Variants in MAPK10 observed in about 807,000 individuals in gnomAD.
The protein encoded by MAPK10 is JNK3 alpha protein kinase.
A neutral mutation model predicts 59.3 loss-of-function variants in MAPK10; 25 were observed. The ratio of observed to expected loss-of-function variants is 0.42; its 90% CI spans 0.31 to 0.59. MAPK10 has a LOEUF of 0.59. MAPK10 is among the 20% of genes least tolerant of loss of function. The pLI is 0.15. For missense variants in MAPK10, 351 were observed against 568.9 expected (o/e 0.62, Z 3.90); for synonymous variants, 190 against 200.5 (o/e 0.95, Z 0.44).
intron 9 of MAPK10, among the ~76,000 whole-genome samples, chr4:86,086,116 G>T (rs776468366): frequency 6.6e-6 from 1 of 151,956 alleles, no homozygotes; most frequent in Non-Finnish European, 1.5e-5. Flanking sequence ...AAACCACCAC[G>T]GTACACGTTT....
At chr4:86,414,520 GT>G (rs1745615474) in intron 1 of MAPK10, among the ~76,000 whole-genome samples, 1 of 152,234 alleles carries the variant, frequency 6.6e-6, no homozygotes, top group South Asian at 2.1e-4. Context: ...AGTAGAAGAA[GT>G]AGACACACAG....
At chr4:86,290,951 T>C (rs929823669) in intron 2 of MAPK10, among the ~76,000 whole-genome samples, 2 of 152,206 alleles carry the variant, frequency 1.3e-5, no homozygotes, top group African/African-American at 4.8e-5. Flanking sequence ...TTTTAGACTT[T>C]TATGATGCAA....
At chr4:86,323,169 G>A (rs1228509384) in intron 2 of MAPK10, among the ~76,000 whole-genome samples, 1 of 152,142 alleles carries the variant, frequency 6.6e-6, no homozygotes, top group Non-Finnish European at 1.5e-5. Flanking sequence ...GTGGCAGAGG[G>A]AGCCTCCGTC....
intron 1 of MAPK10, among the ~76,000 whole-genome samples, chr4:86,521,663 T>G (rs1024191549): frequency 6.6e-6 from 1 of 151,976 alleles, no homozygotes; most frequent in Non-Finnish European, 1.5e-5. Context: ...CCAACCACAC[T>G]GAGTTTATAT....
intron 2 of MAPK10, among the ~76,000 whole-genome samples, chr4:86,311,434 G>A (rs2095667517): frequency 1.3e-5 from 2 of 152,040 alleles, no homozygotes; most frequent in Admixed American, 1.3e-4. Flanking sequence ...TGGAATTTGA[G>A]GACCTCTACC....
chr4:86,552,067 T>A (rs1277817865), intron 1 of MAPK10, among the ~76,000 whole-genome samples: 3 of 152,126 alleles, frequency 2.0e-5, no homozygotes, highest in African/African-American at 7.2e-5. Flanking sequence ...GATTAAATTA[T>A]ATTTTAAAAA....
intron 2 of MAPK10, among the ~76,000 whole-genome samples, chr4:86,247,195 G>GCTCTGT (rs974022434): frequency 3.3e-5 from 5 of 152,190 alleles, no homozygotes; most frequent in African/African-American, 1.2e-4. Flanking sequence ...CCCTCAGCCT[G>GCTCTGT]CTCTGTCTCT....
chr4:86,215,941 CCAAA>C (rs1225214061), intron 2 of MAPK10, among the ~76,000 whole-genome samples: 1 of 152,028 alleles, frequency 6.6e-6, no homozygotes, highest in Non-Finnish European at 1.5e-5. Context: ...AAATTAAAAA[CCAAA>C]CAATCAAAAC....
intron 3 of MAPK10, among the ~76,000 whole-genome samples, chr4:86,159,673 G>GT (rs1383847905): frequency 6.6e-6 from 1 of 151,828 alleles, no homozygotes; most frequent in African/African-American, 2.4e-5. Context: ...CAAAGAAATT[G>GT]TTTTTTTCAT....
chr4:86,367,939 TA>T (rs1273385731), intron 1 of MAPK10, among the ~76,000 whole-genome samples: 1 of 152,154 alleles, frequency 6.6e-6, no homozygotes, highest in Non-Finnish European at 1.5e-5. Context: ...ATTACATTAA[TA>T]AATTAAAGGT....
intron 1 of MAPK10, among the ~76,000 whole-genome samples, chr4:86,474,567 A>T (rs1752913594): frequency 6.6e-6 from 1 of 152,234 alleles, no homozygotes; most frequent in Non-Finnish European, 1.5e-5. Context: ...TTCACACACC[A>T]AACATTATTC....
chr4:86,554,454 T>G (rs970072208), intron 1 of MAPK10, among the ~76,000 whole-genome samples: 5 of 152,150 alleles, frequency 3.3e-5, no homozygotes, highest in Non-Finnish European at 7.3e-5. Context: ...TATTCCCAAC[T>G]TTCCCATCAA....
chr4:86,053,735 A>G (rs1329514390), intron 11 of MAPK10, among the ~76,000 whole-genome samples: 1 of 152,098 alleles, frequency 6.6e-6, no homozygotes, highest in Non-Finnish European at 1.5e-5. Context: ...ACGTTGGATA[A>G]TCTCTTTTTT....
chr4:86,428,638 T>C (rs1405138866), intron 1 of MAPK10, among the ~76,000 whole-genome samples: 1 of 152,222 alleles, frequency 6.6e-6, no homozygotes, highest in Admixed American at 6.5e-5. Context: ...TTATGACTTG[T>C]CCCTCTGCCT....
At chr4:86,191,336 A>G (rs1329641046) in intron 3 of MAPK10, among the ~76,000 whole-genome samples, 1 of 152,096 alleles carries the variant, frequency 6.6e-6, no homozygotes, top group Non-Finnish European at 1.5e-5. Flanking sequence ...TCTAATATTG[A>G]CAATGGGGTG....
At chr4:86,301,281 T>C (rs1157978143) in intron 2 of MAPK10, among the ~76,000 whole-genome samples, 1 of 151,830 alleles carries the variant, frequency 6.6e-6, no homozygotes, top group Non-Finnish European at 1.5e-5. Flanking sequence ...TTCCTAAAAT[T>C]ACTAATGGGA....
intron 2 of MAPK10, among the ~76,000 whole-genome samples, chr4:86,199,154 A>G (rs1214680940): frequency 1.3e-5 from 2 of 152,024 alleles, no homozygotes; most frequent in Non-Finnish European, 2.9e-5. Flanking sequence ...ATAGCCTACA[A>G]CACAATAATT....
chr4:86,581,358 A>G (rs1261383012), intron 1 of MAPK10, among the ~76,000 whole-genome samples: 3 of 152,192 alleles, frequency 2.0e-5, no homozygotes, highest in Non-Finnish European at 4.4e-5. Context: ...AGTAAATTCA[A>G]TATCTATTGA....
intron 1 of MAPK10, among the ~76,000 whole-genome samples, chr4:86,370,242 G>C (rs1161561441): frequency 1.3e-5 from 2 of 152,034 alleles, no homozygotes; most frequent in African/African-American, 4.8e-5. Context: ...GAAGAAATTT[G>C]AGCCTATCTG....
Sources: gnomAD v4.1 joint callset for allele counts (sites outside exome capture counted in the v4.1 genomes callset) on GRCh38, gnomAD v4.1.1 for gene constraint, MANE v1.5 for transcripts, NCBI Gene and HGNC (gene_info 2026-07-23, HGNC 2026-07-21) for gene names.